The following DTWD2 variants were observed in gnomAD, a reference collection of about 807,000 sequenced individuals.
DTWD2 encodes DTW motif tRNA-uridine aminocarboxypropyltransferase 2, also known as tRNA-uridine aminocarboxypropyltransferase 2.
DTWD2 carries 39 observed loss-of-function variants against 31.8 expected under a neutral mutation model. The observed-to-expected ratio is 1.22, with a 90% confidence interval of 0.95 to 1.60. The LOEUF is 1.60. Ranked by LOEUF, DTWD2 falls within the 40% of genes most tolerant of loss-of-function variation. DTWD2 has a pLI of 0.00. For missense variants in DTWD2, 515 were observed against 381.5 expected (o/e 1.35, Z -2.92); for synonymous variants, 180 against 142.8 (o/e 1.26, Z -1.86).
At chr5:118,932,124 G>C (rs1409645068) in intron 3 of DTWD2, among the ~76,000 whole-genome samples, 5 of 151,870 alleles carry the variant, frequency 3.3e-5, no homozygotes, top group Non-Finnish European at 7.4e-5. Context: ...TTAAGAAAAA[G>C]GAAAGACCTG....
At chr5:118,958,905 A>G (rs1374717044) in intron 1 of DTWD2, among the ~76,000 whole-genome samples, 1 of 152,216 alleles carries the variant, frequency 6.6e-6, no homozygotes, top group Non-Finnish European at 1.5e-5. Context: ...GCATCCCTTC[A>G]TGTTAAAAAT....
chr5:118,903,042 T>C (rs1450950302), intron 4 of DTWD2, among the ~76,000 whole-genome samples: 1 of 151,964 alleles, frequency 6.6e-6, no homozygotes, highest in African/African-American at 2.4e-5. Flanking sequence ...AACTTAGTCA[T>C]TAAAATGATA....
At chr5:118,970,889 C>T (rs552536175) in intron 1 of DTWD2, among the ~76,000 whole-genome samples, 1 of 152,182 alleles carries the variant, frequency 6.6e-6, no homozygotes, top group East Asian at 1.9e-4. Flanking sequence ...CCAAAATAAG[C>T]TTAATAAGCA....
At chr5:118,876,203 G>A (rs1447892432) in intron 4 of DTWD2, among the ~76,000 whole-genome samples, 1 of 152,152 alleles carries the variant, frequency 6.6e-6, no homozygotes, top group Non-Finnish European at 1.5e-5. Context: ...CACAGGTAAG[G>A]CAGTGTTAAA....
chr5:118,899,333 T>C (rs1753152461), intron 4 of DTWD2, among the ~76,000 whole-genome samples: 2 of 152,208 alleles, frequency 1.3e-5, no homozygotes, highest in South Asian at 4.1e-4. Context: ...AAATATGGTG[T>C]ATGTAAACAG....
At chr5:118,858,877 T>TAG (rs1752196546) in intron 4 of DTWD2, among the ~76,000 whole-genome samples, 1 of 152,158 alleles carries the variant, frequency 6.6e-6, no homozygotes, top group Non-Finnish European at 1.5e-5. Flanking sequence ...CACATTGCAG[T>TAG]TAGCTGTTAG....
Position 118,838,729 on chromosome 5 carries a change from C to A in DTWD2, c.*2188G>T. On this transcript the variant is annotated 3_prime_UTR_variant, in exon 6 of 6. Transcript: ENST00000510708. ...ACTTCAAGAAAATTTTATACATTTC[C>A]AAAAACACTAAATTTTAAGCTTTTT... is the stretch of plus-strand genomic sequence containing the variant. 6.6e-6 allele frequency: 1 copy of A among 150,416 alleles called. No individual in the cohort carries two copies. Among genetic ancestry groups the A allele is most frequent in the African/African-American group, 2.5e-5 (1 of 40,272 alleles). 9.3% of individuals were successfully genotyped at this position (150,416 alleles called of 1,614,324 possible). A position where few individuals can be genotyped will look rare whatever the true frequency, so the allele number is the denominator to read the frequency against.
chr5:118,923,142 T>TA (rs1753739219), intron 4 of DTWD2, among the ~76,000 whole-genome samples: 1 of 152,186 alleles, frequency 6.6e-6, no homozygotes, highest in South Asian at 2.1e-4. Context: ...CTTCACCTTA[T>TA]AAATTGTACC....
chr5:118,849,976 ACCTGCACAT>A (rs1440823761), intron 4 of DTWD2, among the ~76,000 whole-genome samples: 1 of 152,020 alleles, frequency 6.6e-6, no homozygotes, highest in African/African-American at 2.4e-5. Context: ...TATGTAGCAA[ACCTGCACAT>A]CCTGCACATG....
chr5:118,876,355 C>A (rs186302298), intron 4 of DTWD2, among the ~76,000 whole-genome samples: 1 of 152,146 alleles, frequency 6.6e-6, no homozygotes, highest in East Asian at 1.9e-4. Context: ...TAACCACAAT[C>A]AGAGCTGAAG....
intron 1 of DTWD2, among the ~76,000 whole-genome samples, chr5:118,971,817 AAG>A (rs1754994682): frequency 6.6e-6 from 1 of 152,264 alleles, no homozygotes; most frequent in African/African-American, 2.4e-5. Context: ...ACTGAAGGTT[AAG>A]AAACTCACTC....
intron 5 of DTWD2, among the ~76,000 whole-genome samples, 164 bp downstream of exon 5, chr5:118,847,925 AG>A (rs59664167): frequency 0.042 from 6,341 of 150,242 alleles, 434 homozygotes; most frequent in African/African-American, 0.15. Context: ...ACACACACAC[AG>A]AAAAACACCA....
intron 1 of DTWD2, among the ~76,000 whole-genome samples, chr5:118,961,832 T>A (rs1224296755): frequency 6.6e-6 from 1 of 152,228 alleles, no homozygotes; most frequent in Non-Finnish European, 1.5e-5. Flanking sequence ...ACAAAGACAG[T>A]TAAAAATTTT....
In DTWD2 at chr5:118,915,436, G is replaced by A. The variant is rs572225806; in HGVS notation, c.597+13101C>T. On this transcript the variant is annotated intron_variant, in intron 4 of 5. Coordinates refer to ENST00000510708, the MANE Select transcript of DTWD2 (RefSeq NM_173666.4). ...GTCGCCCAGGCTGGAGTGCAGTGGC[G>A]CAATCTCGGCTCACTGCAAGCTCCA... Among the ~76,000 whole-genome samples the A allele has an allele frequency of 7.9e-4, 118 of 149,462 alleles. 3 individuals carry two copies. The East Asian group carries it at 0.02, about 25-fold the overall frequency.
At chr5:118,875,212 T>C (rs529123772) in intron 4 of DTWD2, among the ~76,000 whole-genome samples, 2 of 152,012 alleles carry the variant, frequency 1.3e-5, no homozygotes, top group South Asian at 2.1e-4. Flanking sequence ...AAGCACTAAA[T>C]ATGGAAAGGA....
chr5:118,977,571 T>C (rs1485041108), intron 1 of DTWD2, among the ~76,000 whole-genome samples: 1 of 152,176 alleles, frequency 6.6e-6, no homozygotes, highest in Admixed American at 6.5e-5. Context: ...AAATCATGAA[T>C]GAACTCCCAT....
At chr5:118,907,336 A>G (rs950307262) in intron 4 of DTWD2, among the ~76,000 whole-genome samples, 1 of 152,186 alleles carries the variant, frequency 6.6e-6, no homozygotes, top group Non-Finnish European at 1.5e-5. Context: ...CAGAACTATT[A>G]GGATATATAT....
chr5:118,965,853 T>C (rs1754834317), intron 1 of DTWD2, among the ~76,000 whole-genome samples: 2 of 152,038 alleles, frequency 1.3e-5, no homozygotes, highest in African/African-American at 4.8e-5. Context: ...GTTCACTTGT[T>C]TGTCTGCTGA....
At position 118,988,353 on chromosome 5, in the gene DTWD2, GT is replaced by G; in HGVS notation, c.158del (p.Asp53AlafsTer45). 1 of 1,561,600 alleles carries G rather than the reference GT, an allele frequency of 6.4e-7. No homozygotes were observed. Among genetic ancestry groups the G allele is most frequent in the Non-Finnish European group, 8.6e-7 (1 of 1,156,170 alleles). On this transcript the variant is annotated frameshift_variant, in exon 1 of 6. Transcript: ENST00000510708. LOFTEE classifies it high-confidence loss of function. ...LGAEADDDSADGLWELPVEPA... is the reference protein window; with the variant it reads ...LGAEADDDSAXGLWELPVEPA... ...GCTCCACCGGCAGCTCCCACAGCCC[GT>G]CCGCACTGTCGTCGTCCGCCTCTGC...
Sources: allele counts gnomAD v4.1 joint callset (sites outside exome capture counted in the v4.1 genomes callset), GRCh38; gene constraint gnomAD v4.1.1; transcripts MANE v1.5; gene names NCBI Gene and HGNC (gene_info 2026-07-23, HGNC 2026-07-21).